Variants in PSTPIP2 observed in about 807,000 individuals in gnomAD.
PSTPIP2 encodes the protein proline-serine-threonine phosphatase-interacting protein 2.
Under a neutral mutation model 63.3 loss-of-function variants are expected in PSTPIP2, and 33 were observed. The observed-to-expected ratio is 0.52, with a 90% CI of 0.40 to 0.70. PSTPIP2 has a LOEUF of 0.70. PSTPIP2 is among the 30% of genes least tolerant of loss of function. PSTPIP2 has a pLI of 0.00. For synonymous variants in PSTPIP2, 125 were observed against 132.7 expected, an observed-to-expected ratio of 0.94 and a Z score of 0.40; for missense variants, 312 against 400.7, an observed-to-expected ratio of 0.78 and a Z score of 1.89.
At chr18:45,993,953 A>C in intron 9 of PSTPIP2, 2 of 450,614 alleles carry the variant, frequency 4.4e-6, no homozygotes, top group South Asian at 4.3e-5. Flanking sequence ...TGATGATCCC[A>C]GATACCAATG....
In PSTPIP2 at chr18:45,983,662, T is replaced by C. The variant is rs2051439563; in HGVS notation, c.*1797A>G. The C allele has an allele frequency of 6.6e-6, 1 of 152,196 alleles. No homozygotes were observed. Among genetic ancestry groups the C allele is most frequent in the African/African-American group, 2.4e-5 (1 of 41,464 alleles). The allele number at this position is 152,196 out of a possible 1,614,324, so 9.4% of individuals were successfully genotyped here. On this transcript the variant is annotated 3_prime_UTR_variant, in exon 15 of 15. Coordinates refer to ENST00000409746, the MANE Select transcript of PSTPIP2 (RefSeq NM_024430.4). Reference sequence around the variant, plus strand: ...CCAATACAGAGAAAAGGGAAATCCCTGAGGAACTGCCAACAATAAATAATA... The same window carrying C: ...CCAATACAGAGAAAAGGGAAATCCCCGAGGAACTGCCAACAATAAATAATA...
intron 1 of PSTPIP2, among the ~76,000 whole-genome samples, chr18:46,045,215 T>G (rs1489167328): frequency 1.3e-5 from 2 of 152,192 alleles, no homozygotes; most frequent in African/African-American, 2.4e-5. Context: ...TGCACACGTA[T>G]GTTTATTGCG....
chr18:45,998,845 AAAAC>A lies in PSTPIP2; in HGVS notation c.517-10_517-7del, dbSNP rs758658423. 2.4e-5 allele frequency: 38 copies of A among 1,613,016 alleles called. 1 individual carries two copies. Among genetic ancestry groups the A allele is most frequent in the South Asian group, 1.2e-4 (11 of 91,054 alleles). On this transcript the variant is annotated splice_region_variant and splice_polypyrimidine_tract_variant and intron_variant, in intron 7 of 14. Coordinates refer to ENST00000409746, the MANE Select transcript of PSTPIP2 (RefSeq NM_024430.4). The stretch of plus-strand genomic sequence containing the variant: ...GTTGCCAGTTTCACAAAAAGCTGTG[AAAAC>A]AAACAAACAAACAAAAAAAGAGCAA...
intron 1 of PSTPIP2, among the ~76,000 whole-genome samples, chr18:46,047,548 C>T (rs540285990): frequency 2.6e-5 from 4 of 152,216 alleles, no homozygotes; most frequent in African/African-American, 4.8e-5. Flanking sequence ...GCTGAGATCA[C>T]GCCACTGCAC....
chr18:46,063,356 TAGA>T (rs1599751517), intron 1 of PSTPIP2, among the ~76,000 whole-genome samples: 1 of 152,096 alleles, frequency 6.6e-6, no homozygotes, highest in East Asian at 1.9e-4. Context: ...CGAAGTGTAA[TAGA>T]AGAAATCACA....
chr18:46,011,019 A>T, intron 5 of PSTPIP2, 162 bp downstream of exon 5: 1 of 622,404 alleles, frequency 1.6e-6, no homozygotes, highest in Non-Finnish European at 2.9e-6. Context: ...AGAAATGCAT[A>T]TACCCATCTG....
chr18:45,992,142 A>G lies in PSTPIP2; in HGVS notation c.802T>C (p.Phe268Leu). The G allele has an allele frequency of 6.2e-7, 1 of 1,609,080 alleles. No homozygotes were observed. The highest frequency in any genetic ancestry group is 8.5e-7 in the Non-Finnish European group (1 of 1,177,500). The change falls in exon 11 of 15, where the codon TTT (phenylalanine) becomes CTT (leucine). Residue 268 changes from phenylalanine to leucine, a missense_variant. Phe to Leu is a conservative substitution (Grantham distance 22). Transcript: ENST00000409746. Reference sequence around the variant, plus strand: ...TGTCCAGTTTTGCGTTGATTCACAAAGTATTCAATGTCCCTCTGAATGCTG... The same window carrying G: ...TGTCCAGTTTTGCGTTGATTCACAAGGTATTCAATGTCCCTCTGAATGCTG... ...MCSIQRDIEY[F>L]VNQRKTGQIP...
intron 1 of PSTPIP2, among the ~76,000 whole-genome samples, chr18:46,064,950 G>A (rs532531360): frequency 3.9e-5 from 6 of 151,912 alleles, no homozygotes; most frequent in Non-Finnish European, 7.4e-5. Flanking sequence ...TTCAAGACCA[G>A]CCTGACCAAC....
At chr18:46,064,736 C>T (rs1909120379) in intron 1 of PSTPIP2, among the ~76,000 whole-genome samples, 1 of 152,070 alleles carries the variant, frequency 6.6e-6, no homozygotes, top group Non-Finnish European at 1.5e-5. Flanking sequence ...ATTAGAGAAA[C>T]ATAGTAAAAT....
Position 46,043,224 on chromosome 18 carries a change from T to TAAAA in PSTPIP2, c.34-3181_34-3178dup, listed in dbSNP as rs34454812. Among the ~76,000 whole-genome samples, 25 of 77,308 alleles carry TAAAA rather than the reference T, an allele frequency of 3.2e-4. 1 individual carries two copies. Among genetic ancestry groups the TAAAA allele is most frequent in the African/African-American group, 1.1e-3 (19 of 17,128 alleles). The allele number at this position is 77,308 out of a possible 152,430, so 50.7% of individuals were successfully genotyped here. ...AACATAGCGAAACCTCACCTCTCCT[T>TAAAA]AAAAAAAAAAAAAAAAAAAAAAGCC... On this transcript the variant is annotated intron_variant, in intron 1 of 14. Coordinates refer to ENST00000409746, the MANE Select transcript of PSTPIP2 (RefSeq NM_024430.4).
At chr18:46,036,663 A>G (rs1907991414) in intron 2 of PSTPIP2, among the ~76,000 whole-genome samples, 1 of 152,216 alleles carries the variant, frequency 6.6e-6, no homozygotes, top group South Asian at 2.1e-4. Flanking sequence ...ATGAGGGCAG[A>G]TGAATTTACT....
At chr18:46,018,616 G>A (rs948958984) in intron 3 of PSTPIP2, among the ~76,000 whole-genome samples, 2 of 152,150 alleles carry the variant, frequency 1.3e-5, no homozygotes, top group East Asian at 1.9e-4. Flanking sequence ...TGAGCTGCCC[G>A]CCTTGGCCTC....
intron 1 of PSTPIP2, among the ~76,000 whole-genome samples, chr18:46,053,471 C>T (rs1449028612): frequency 6.6e-6 from 1 of 152,154 alleles, no homozygotes; most frequent in Non-Finnish European, 1.5e-5. Context: ...TTTTCTCCTC[C>T]TCTAACTTGC....
At chr18:46,039,128 T>C (rs1010602640) in intron 2 of PSTPIP2, among the ~76,000 whole-genome samples, 4 of 152,200 alleles carry the variant, frequency 2.6e-5, no homozygotes, top group Non-Finnish European at 5.9e-5. Flanking sequence ...TTAATTTGAA[T>C]CTTGGCAAGG....
At chr18:46,042,580 C>T (rs1908231783) in intron 1 of PSTPIP2, among the ~76,000 whole-genome samples, 2 of 152,168 alleles carry the variant, frequency 1.3e-5, no homozygotes, top group Admixed American at 1.3e-4. Context: ...TTATTATTCA[C>T]ATCAAAGGCC....
intron 1 of PSTPIP2, among the ~76,000 whole-genome samples, chr18:46,055,834 T>C (rs1186518542): frequency 6.6e-6 from 1 of 152,240 alleles, no homozygotes; most frequent in Non-Finnish European, 1.5e-5. Context: ...AAGTTCTCCA[T>C]ATTTTTACAA....
intron 1 of PSTPIP2, among the ~76,000 whole-genome samples, chr18:46,063,181 T>C (rs1909051338): frequency 2.0e-5 from 3 of 152,102 alleles, no homozygotes; most frequent in Non-Finnish European, 2.9e-5. Context: ...TTTAAAATTT[T>C]TTTTGTAGAG....
At chr18:46,036,264 G>T (rs969383275) in intron 2 of PSTPIP2, among the ~76,000 whole-genome samples, 7 of 151,510 alleles carry the variant, frequency 4.6e-5, no homozygotes, top group African/African-American at 1.7e-4. Flanking sequence ...ACAATTAATT[G>T]TTAACAATTA....
At chr18:46,043,257 G>C (rs1908258767) in intron 1 of PSTPIP2, among the ~76,000 whole-genome samples, 1 of 148,274 alleles carries the variant, frequency 6.7e-6, no homozygotes, top group Admixed American at 6.8e-5. Flanking sequence ...GCCAAGTATG[G>C]TGGTGTGCCT....
Sources: allele counts gnomAD v4.1 joint callset (sites outside exome capture counted in the v4.1 genomes callset), GRCh38; gene constraint gnomAD v4.1.1; transcripts MANE v1.5; gene names NCBI Gene and HGNC (gene_info 2026-07-23, HGNC 2026-07-21).